Variants in MFSD8 observed in about 807,000 individuals in gnomAD.
MFSD8 encodes the protein major facilitator superfamily domain containing 8, also known as major facilitator superfamily domain-containing protein 8.
A neutral mutation model predicts 66.4 loss-of-function variants in MFSD8; 55 were observed. That is an observed-to-expected ratio of 0.83 (90% CI 0.67 to 1.04). MFSD8 has a LOEUF of 1.04. Among genes scored for constraint, MFSD8 ranks in the 50% least tolerant of loss-of-function variants. The pLI is 0.00. For synonymous variants in MFSD8, 202 were observed against 212.8 expected, an observed-to-expected ratio of 0.95 and a Z score of 0.44; for missense variants, 550 against 627.6, an observed-to-expected ratio of 0.88 and a Z score of 1.32.
intron 7 of MFSD8, 23 bp downstream of exon 7, chr4:127,938,760 T>A: frequency 1.3e-6 from 2 of 1,585,434 alleles, no homozygotes; most frequent in Non-Finnish European, 8.7e-7. Context: ...TTATATTAAT[T>A]CAGCCAAATG....
Position 127,949,816 on chromosome 4 carries a change from T to G in MFSD8, c.186A>C (p.Pro62=), listed in dbSNP as rs750969105. The change falls in exon 3 of 12, where the codon CCA becomes CCC. Residue 62 remains proline, a synonymous_variant. Coordinates refer to ENST00000641686, the MANE Select transcript of MFSD8 (RefSeq NM_001371596.2). ...GFSVVMMSIW[P]YLQKIDPTAD... is the part of the protein sequence containing the mutation. ...GAAATGTACAAACCTTTTGGAGATATGGCCATATGGACATCATCACTACAG... is the reference window on the plus strand; with the variant it reads ...GAAATGTACAAACCTTTTGGAGATAGGGCCATATGGACATCATCACTACAG... The G allele has an allele frequency of 5.0e-6, 8 of 1,612,224 alleles. No homozygotes were observed. The South Asian group carries it at 8.8e-5, about 18-fold the overall frequency.
At chr4:127,921,800 TA>T (rs1258714140) in intron 10 of MFSD8, 29 bp from the exon 11 acceptor site, 1 of 1,613,774 alleles carries the variant, frequency 6.2e-7, no homozygotes, top group Admixed American at 1.7e-5. Context: ...TGCAGTGCAT[TA>T]CTTGTTGATT....
intron 9 of MFSD8, among the ~76,000 whole-genome samples, chr4:127,929,322 C>CAAAAAAAAAAAAAAAAAAAA (rs543453360): frequency 1.6e-4 from 5 of 30,364 alleles, no homozygotes; most frequent in African/African-American, 9.2e-4. Context: ...GACTCCGTCA[C>CAAAAAAAAAAAAAAAAAAAA]AAAAAAAAAA....
intron 7 of MFSD8, among the ~76,000 whole-genome samples, chr4:127,935,229 T>G (rs116483275): frequency 0.026 from 3,986 of 152,262 alleles, 157 homozygotes; most frequent in African/African-American, 0.091. Context: ...TGGATAGACC[T>G]CTCTGATTCT....
chr4:127,921,806 T>C (rs768518607), intron 10 of MFSD8, 35 bp from the exon 11 acceptor site: 24 of 1,613,782 alleles, frequency 1.5e-5, no homozygotes, highest in Non-Finnish European at 1.9e-5. Flanking sequence ...GCATTACTTG[T>C]TGATTTTAGA....
chr4:127,923,552 T>TTTATTTATTATTA (rs1322039631), intron 9 of MFSD8, among the ~76,000 whole-genome samples: 98 of 130,562 alleles, frequency 7.5e-4, no homozygotes, highest in Middle Eastern at 3.7e-3. Context: ...TTTATTTTTA[T>TTTATTTATTATTA]TTATTATTAT....
At chr4:127,959,353 TA>T (rs1279280700) in intron 1 of MFSD8, among the ~76,000 whole-genome samples, 2 of 152,224 alleles carry the variant, frequency 1.3e-5, no homozygotes, top group Non-Finnish European at 2.9e-5. Flanking sequence ...AACAAATGCA[TA>T]AACATTGATT....
rs1738420865 is a variant in MFSD8, at chr4:127,933,023, C to A, written c.825G>T (p.Leu275=). The part of the protein sequence containing the change: ...DQVAVVAINV[L]FFVTLFIFAL... ...CAAAGATAAATAGAGTCACAAAAAA[C>A]AGAACATTGATGGCCACAACAGCAA... is the stretch of plus-strand genomic sequence containing the variant. The change falls in exon 8 of 12, where the codon CTG becomes CTT. Residue 275 remains leucine, a synonymous_variant. Coordinates refer to ENST00000641686, the MANE Select transcript of MFSD8 (RefSeq NM_001371596.2). The A allele has an allele frequency of 6.2e-7, 1 of 1,613,574 alleles. No homozygotes were observed. Among genetic ancestry groups the A allele is most frequent in the East Asian group, 2.2e-5 (1 of 44,774 alleles).
chr4:127,944,899 C>T (rs779746433), intron 3 of MFSD8, among the ~76,000 whole-genome samples: 64 of 152,166 alleles, frequency 4.2e-4, no homozygotes, highest in Non-Finnish European at 7.8e-4. Context: ...GCCTCCAACT[C>T]TCAAAGCAAT....
In MFSD8 at chr4:127,920,534, C is replaced by T. The variant is rs1368469824; in HGVS notation, c.*96G>A. On this transcript the variant is annotated 3_prime_UTR_variant, in exon 12 of 12. Transcript: ENST00000641686. ...CTTCAAAATCTGCAATATCTGTAGT[C>T]TGATTCTTGGAGACTGGCTCACCGC... is the stretch of plus-strand genomic sequence containing the variant. 5 of 1,202,198 alleles carry T rather than the reference C, an allele frequency of 4.2e-6. No homozygotes were observed. The Admixed American group carries it at 6.8e-5, about 16-fold the overall frequency. 74.5% of individuals were successfully genotyped at this position (1,202,198 alleles called of 1,614,324 possible).
rs761499299 is a variant in MFSD8, at chr4:127,921,955, T to G, written c.1007A>C (p.Glu336Ala). 6.2e-7 allele frequency: 1 copy of G among 1,613,912 alleles called. No homozygotes were observed. Among genetic ancestry groups the G allele is most frequent in the East Asian group, 2.2e-5 (1 of 44,882 alleles). The change falls in exon 10 of 12, where the codon GAG (glutamate) becomes GCG (alanine). Residue 336 changes from glutamate to alanine, a missense_variant. Physicochemically the swap from Glu to Ala is moderately radical, Grantham distance 107. Coordinates refer to ENST00000641686, the MANE Select transcript of MFSD8 (RefSeq NM_001371596.2). ...GVKLLSKKIG[E>A]RAILLGGLIV... ...GAGTCCTCCCAGTAGAATAGCACGC[T>G]CGCCAATCCTGTTAAAGAACAGAAA...
chr4:127,945,881 AT>A (rs1740947337), intron 3 of MFSD8, among the ~76,000 whole-genome samples: 1 of 151,114 alleles, frequency 6.6e-6, no homozygotes, highest in Admixed American at 6.6e-5. Flanking sequence ...TGAAAACTCA[AT>A]TTTAATGTTA....
chr4:127,948,815 G>A (rs1447312907), intron 3 of MFSD8, among the ~76,000 whole-genome samples: 1 of 152,112 alleles, frequency 6.6e-6, no homozygotes, highest in Non-Finnish European at 1.5e-5. Flanking sequence ...GGGACTCTTC[G>A]GAGAGTCCCC....
In MFSD8 at chr4:127,932,975, T is replaced by C; in HGVS notation, c.863+10A>G. 6.3e-7 allele frequency: 1 copy of C among 1,598,506 alleles called. No homozygotes were observed. Reference sequence around the variant, plus strand: ...TAATCTGATTCAGATGAAGATGGAATAAAACTTACGTTTCAAAAAGGGCAA... The same window carrying C: ...TAATCTGATTCAGATGAAGATGGAACAAAACTTACGTTTCAAAAAGGGCAA... On this transcript the variant is annotated intron_variant, in intron 8 of 11. Coordinates refer to ENST00000641686, the MANE Select transcript of MFSD8 (RefSeq NM_001371596.2).
At chr4:127,939,730 A>G in intron 6 of MFSD8, 123 bp downstream of exon 6, 1 of 1,116,086 alleles carries the variant, frequency 9.0e-7, no homozygotes, top group Non-Finnish European at 1.2e-6. Flanking sequence ...ACCAAAAAAT[A>G]TAAACAAACT....
chr4:127,934,432 T>C (rs1738687186), intron 7 of MFSD8: 1 of 152,150 alleles, frequency 6.6e-6, no homozygotes, highest in Non-Finnish European at 1.5e-5. Context: ...TTAATACACA[T>C]TAAGCTATTC....
At chr4:127,951,017 A>C (rs1358505392) in intron 2 of MFSD8, among the ~76,000 whole-genome samples, 1 of 151,748 alleles carries the variant, frequency 6.6e-6, no homozygotes, top group Non-Finnish European at 1.5e-5. Context: ...CCAAGATTGC[A>C]CCACTGCACT....
chr4:127,943,658 G>A, intron 4 of MFSD8, 94 bp downstream of exon 4: 1 of 1,433,392 alleles, frequency 7.0e-7, no homozygotes, highest in Non-Finnish European at 9.8e-7. Context: ...TGTGAAATAT[G>A]AGTTTAAAAG....
chr4:127,939,572 T>A (rs1452395127), intron 6 of MFSD8: 2 of 209,650 alleles, frequency 9.5e-6, no homozygotes, highest in African/African-American at 6.4e-5. Context: ...GCCACTGCCC[T>A]CCAGTCTGAG....
Sources: gnomAD v4.1 joint callset for allele counts (sites outside exome capture counted in the v4.1 genomes callset) on GRCh38, gnomAD v4.1.1 for gene constraint, MANE v1.5 for transcripts, NCBI Gene and HGNC (gene_info 2026-07-23, HGNC 2026-07-21) for gene names.